Variants in LARP1B observed in about 807,000 individuals in gnomAD.
The protein encoded by LARP1B is la-related protein 1B.
A neutral mutation model predicts 114.2 loss-of-function variants in LARP1B; 76 were observed. The observed-to-expected ratio is 0.67, with a 90% CI of 0.55 to 0.81. The LOEUF (loss-of-function observed/expected upper bound fraction) is 0.81. Ranked by LOEUF, LARP1B falls within the 30% of genes least tolerant of loss-of-function variation. The probability of loss-of-function intolerance (pLI) is 0.00; values close to 1 mark genes in which losing one functional copy is unlikely to be tolerated. For missense variants in LARP1B, 1,014 were observed against 1,075.8 expected, an observed-to-expected ratio of 0.94 and a Z score of 0.80; for synonymous variants, 345 against 348.0, an observed-to-expected ratio of 0.99 and a Z score of 0.10.
intron 1 of LARP1B, among the ~76,000 whole-genome samples, chr4:128,066,165 C>CTTTTTTTTTTTTTTTT (rs59927866): frequency 1.1e-4 from 11 of 99,188 alleles, no homozygotes; most frequent in South Asian, 4.4e-4. Context: ...TTTCTTTCTT[C>CTTTTTTTTTTTTTTTT]TTTTTTTTTT....
chr4:128,080,107 C>T (rs1197746970), intron 4 of LARP1B, among the ~76,000 whole-genome samples: 24 of 151,830 alleles, frequency 1.6e-4, no homozygotes, highest in Admixed American at 1.4e-3. Flanking sequence ...GCCTCAGCCT[C>T]CCAAGCAGCT....
At chr4:128,153,419 C>G (rs183149427) in intron 11 of LARP1B, among the ~76,000 whole-genome samples, 1 of 152,038 alleles carries the variant, frequency 6.6e-6, no homozygotes, top group Non-Finnish European at 1.5e-5. Context: ...CGGATTCAAG[C>G]GATTCTTCTG....
In LARP1B at chr4:128,116,501, G is replaced by A. The variant is rs539038280; in HGVS notation, c.1161+1759G>A. On this transcript the variant is annotated intron_variant, in intron 10 of 19. Transcript: ENST00000326639. ...GTAAGCTCTCTAAAGGGGATGGAAG[G>A]TATTGAGAGGATTGTGATGTGGAGG... is the stretch of plus-strand genomic sequence containing the variant. Among the ~76,000 whole-genome samples, 36 of 152,306 alleles carry A rather than the reference G, an allele frequency of 2.4e-4. 1 individual carries two copies. In the East Asian group the frequency reaches 6.6e-3, roughly 28 times the overall value.
chr4:128,192,339 C>T (rs1329856263), intron 15 of LARP1B, among the ~76,000 whole-genome samples: 2 of 152,096 alleles, frequency 1.3e-5, no homozygotes, highest in Non-Finnish European at 2.9e-5. Flanking sequence ...GAGATATGCC[C>T]ATATAATTCA....
rs1414984739 is a variant in LARP1B at position 128,100,910 on chromosome 4, T to C, written c.813+2580T>C. Among the ~76,000 whole-genome samples, 6 of 150,966 alleles carry C rather than the reference T, an allele frequency of 4.0e-5. 1 individual carries two copies. In the South Asian group the frequency reaches 1.3e-3, roughly 32 times the overall value. On this transcript the variant is annotated intron_variant, in intron 8 of 19. Transcript: ENST00000326639. The stretch of plus-strand genomic sequence containing the variant: ...TCAGCTCACTGCAACCTGCGTTTCC[T>C]GGGTTCAAGCGAGTCTCCTGCCTCA...
In LARP1B at chr4:128,115,064, A is replaced by G. The variant is rs187311019; in HGVS notation, c.1161+322A>G. 4.8e-3 allele frequency among the ~76,000 whole-genome samples: 733 copies of G among 151,840 alleles called. 3 individuals are homozygous for G. Among genetic ancestry groups the G allele is most frequent in the Non-Finnish European group, 7.4e-3 (502 of 67,950 alleles). ...GCGATTCTCCTGCCCTGGCCTCCTG[A>G]GTAGCTGGGATTATAGGCGCGAGCC... On this transcript the variant is annotated intron_variant, in intron 10 of 19. Coordinates refer to ENST00000326639, the MANE Select transcript of LARP1B (RefSeq NM_018078.4).
intron 11 of LARP1B, among the ~76,000 whole-genome samples, chr4:128,139,154 A>G (rs906825143): frequency 1.3e-5 from 2 of 152,170 alleles, no homozygotes; most frequent in Non-Finnish European, 2.9e-5. Flanking sequence ...AAAATAGAAG[A>G]AAATAAAGAA....
chr4:128,079,613 G>C (rs1046377955), intron 4 of LARP1B, among the ~76,000 whole-genome samples: 16 of 152,028 alleles, frequency 1.1e-4, no homozygotes, highest in East Asian at 7.7e-4. Context: ...ACCCAGGCTG[G>C]AGTTCAGTGG....
At chr4:128,186,289 A>G (rs1322203394) in intron 15 of LARP1B, among the ~76,000 whole-genome samples, 2 of 152,144 alleles carry the variant, frequency 1.3e-5, no homozygotes, top group African/African-American at 2.4e-5. Context: ...TAATTTTTCC[A>G]ATCCATGAGC....
intron 1 of LARP1B, among the ~76,000 whole-genome samples, chr4:128,073,586 T>TG (rs1254416096): frequency 0.018 from 546 of 29,660 alleles, 6 homozygotes; most frequent in African/African-American, 0.051. Context: ...TTTTTTTTTT[T>TG]TTTTTTTTTT....
chr4:128,148,901 A>G (rs1372541699), intron 11 of LARP1B, among the ~76,000 whole-genome samples: 1 of 152,224 alleles, frequency 6.6e-6, no homozygotes. Flanking sequence ...TGGTGGAGTT[A>G]CAGGCATGAG....
chr4:128,159,329 C>T (rs1171917053), intron 11 of LARP1B, among the ~76,000 whole-genome samples: 2 of 152,108 alleles, frequency 1.3e-5, no homozygotes, highest in Non-Finnish European at 2.9e-5. Flanking sequence ...TGTATTATTA[C>T]CACAAAGTTC....
rs77389795 is a variant in LARP1B at position 128,165,578 on chromosome 4, G to A, written c.1648+3261G>A. 6.6e-3 allele frequency among the ~76,000 whole-genome samples: 1,000 copies of A among 152,102 alleles called. 7 individuals carry two copies. Among genetic ancestry groups the A allele is most frequent in the African/African-American group, 0.023 (957 of 41,524 alleles). On this transcript the variant is annotated intron_variant, in intron 12 of 19. Transcript: ENST00000326639. ...AGAAAAGAGTTGGTATTGCTATTACGATATAGAATTTAAGGCATAAAGAAG... is the reference window on the plus strand; with the variant it reads ...AGAAAAGAGTTGGTATTGCTATTACAATATAGAATTTAAGGCATAAAGAAG...
rs1411164561 is a variant in LARP1B, at chr4:128,199,598, T to A, written c.2163T>A (p.Ser721Arg). 1.3e-6 allele frequency: 2 copies of A among 1,525,486 alleles called. No homozygotes were observed. 94.5% of individuals were successfully genotyped at this position (1,525,486 alleles called of 1,614,324 possible). A position where few individuals can be genotyped will look rare whatever the true frequency, so the allele number is the denominator to read the frequency against. The change falls in exon 16 of 20, where the codon AGT becomes AGA. Residue 721 changes from serine (S) to arginine (R), a missense_variant and splice_region_variant. Ser to Arg is a moderately radical substitution (Grantham distance 110). Coordinates refer to ENST00000326639, the MANE Select transcript of LARP1B (RefSeq NM_018078.4). ...VYHKYRRRCL[S>R]ERKRLGIGQS... Reference sequence around the variant, plus strand: ...ACAAGTATCGTCGAAGATGCCTAAGTGGTAAGATGCTTGTCCTTTATCTAT... The same window carrying A: ...ACAAGTATCGTCGAAGATGCCTAAGAGGTAAGATGCTTGTCCTTTATCTAT...
intron 15 of LARP1B, among the ~76,000 whole-genome samples, chr4:128,187,105 T>A (rs957463243): frequency 6.6e-5 from 10 of 152,204 alleles, no homozygotes; most frequent in African/African-American, 1.7e-4. Flanking sequence ...ACAAGGACAG[T>A]GCAGAGAGGA....
intron 11 of LARP1B, among the ~76,000 whole-genome samples, chr4:128,141,331 C>T (rs1392864125): frequency 6.6e-6 from 1 of 152,158 alleles, no homozygotes; most frequent in African/African-American, 2.4e-5. Context: ...TCCACTATCT[C>T]ATGATACCTT....
At chr4:128,182,527 T>C (rs1748892012) in intron 15 of LARP1B, among the ~76,000 whole-genome samples, 1 of 152,176 alleles carries the variant, frequency 6.6e-6, no homozygotes, top group South Asian at 2.1e-4. Flanking sequence ...AAATATTGTA[T>C]GTTTTCTGGC....
intron 15 of LARP1B, among the ~76,000 whole-genome samples, chr4:128,194,317 C>G (rs1347232061): frequency 6.6e-6 from 1 of 152,094 alleles, no homozygotes; most frequent in African/African-American, 2.4e-5. Flanking sequence ...GGTGATCCGC[C>G]CACCTCGGCC....
At chr4:128,200,076 A>C (rs1406954061) in intron 16 of LARP1B, among the ~76,000 whole-genome samples, 1 of 152,042 alleles carries the variant, frequency 6.6e-6, no homozygotes, top group African/African-American at 2.4e-5. Flanking sequence ...ACAGAGTGAG[A>C]CTCTGTCTCA....
Sources: allele counts gnomAD v4.1 joint callset (sites outside exome capture counted in the v4.1 genomes callset), GRCh38; gene constraint gnomAD v4.1.1; transcripts MANE v1.5; gene names NCBI Gene and HGNC (gene_info 2026-07-23, HGNC 2026-07-21).